The following ABCC11 variants were observed in gnomAD, a reference collection of about 807,000 sequenced individuals.
ABCC11 encodes ATP-binding cassette sub-family C member 11.
ABCC11 carries 135 observed loss-of-function variants against 149.3 expected under a neutral mutation model. That is an observed-to-expected ratio of 0.90 (90% CI 0.79 to 1.04). The LOEUF is 1.04. Among genes scored for constraint, ABCC11 ranks in the 50% least tolerant of loss-of-function variants. The pLI is 0.00. For missense variants in ABCC11, 1,680 were observed against 1,722.1 expected, an observed-to-expected ratio of 0.98 and a Z score of 0.43; for synonymous variants, 665 against 671.4, an observed-to-expected ratio of 0.99 and a Z score of 0.15.
rs1567500856 is a variant in ABCC11 at position 48,192,584 on chromosome 16, G to A, written c.2642C>T (p.Ser881Leu). The A allele has an allele frequency of 1.9e-6, 3 of 1,614,260 alleles. No homozygotes were observed. In the East Asian group the frequency reaches 6.7e-5, roughly 36 times the overall value. Residue 881 changes from serine to leucine, a missense_variant, in exon 20 of 30, where the codon TCA (serine) becomes TTA (leucine). Transcript: ENST00000356608. ...CCTCGTGACCTTGGTGAAAATCCCTGAGGAGCAGACCCCCACACAGATGAG... is the reference window on the plus strand; with the variant it reads ...CCTCGTGACCTTGGTGAAAATCCCTAAGGAGCAGACCCCCACACAGATGAG... ...LLLICVGVCSSGIFTKVTRKA... is the reference protein window; with the variant it reads ...LLLICVGVCSLGIFTKVTRKA...
In ABCC11 at chr16:48,209,558, C is replaced by T. The variant is rs11866619; in HGVS notation, c.1609-1062G>A. The T allele has an allele frequency of 3.3e-3, 535 of 162,458 alleles. 2 individuals are homozygous for T. Among genetic ancestry groups the T allele is most frequent in the African/African-American group, 0.012 (507 of 41,734 alleles). The allele number at this position is 162,458 out of a possible 1,614,324, so 10.1% of individuals were successfully genotyped here. On this transcript the variant is annotated intron_variant, in intron 11 of 29. Transcript: ENST00000356608. The stretch of plus-strand genomic sequence containing the variant: ...GATCTGACAAGAGGCGGAGCTCAGG[C>T]GGTGATGCTCACTGGCCTGCTGCTC...
At chr16:48,196,356 C>A (rs371162288) in intron 17 of ABCC11, 35 bp from the exon 18 acceptor site, 6 of 1,592,114 alleles carry the variant, frequency 3.8e-6, no homozygotes, top group Admixed American at 1.7e-5. Flanking sequence ...AAGTGGTATG[C>A]CTGCCAATCA....
At chr16:48,184,881 C>A (rs933253660) in intron 22 of ABCC11, among the ~76,000 whole-genome samples, 1 of 152,260 alleles carries the variant, frequency 6.6e-6, no homozygotes, top group African/African-American at 2.4e-5. Flanking sequence ...CCTCGCCTAA[C>A]CTCTGTGACT....
At chr16:48,245,020 G>T (rs1292515741) in intron 1 of ABCC11, among the ~76,000 whole-genome samples, 1 of 151,952 alleles carries the variant, frequency 6.6e-6, no homozygotes, top group Non-Finnish European at 1.5e-5. Flanking sequence ...TCTCCCCACT[G>T]CCCTTTACTC....
chr16:48,182,725 G>A (rs1414209252), intron 23 of ABCC11, among the ~76,000 whole-genome samples: 1 of 151,272 alleles, frequency 6.6e-6, no homozygotes, highest in Non-Finnish European at 1.5e-5. Flanking sequence ...GGAGCTTGCA[G>A]TGAGCCGAGA....
chr16:48,214,089 G>C (rs1795608568), intron 9 of ABCC11, among the ~76,000 whole-genome samples: 1 of 152,006 alleles, frequency 6.6e-6, no homozygotes, highest in African/African-American at 2.4e-5. Context: ...CCTCCTGGAG[G>C]TGCCGAAAGA....
intron 1 of ABCC11, chr16:48,244,152 G>C (rs1384002623): frequency 4.4e-6 from 2 of 452,070 alleles, no homozygotes; most frequent in Non-Finnish European, 7.8e-6. Flanking sequence ...GTGAGGCGAA[G>C]GTCGCTGCAC....
At chr16:48,209,962 A>C (rs1325742653) in intron 11 of ABCC11, 1 of 152,418 alleles carries the variant, frequency 6.6e-6, no homozygotes, top group Non-Finnish European at 1.5e-5. Context: ...GCGGCGTGAC[A>C]GTGGCAGGGA....
rs1555526993 is a variant in ABCC11, at chr16:48,184,423, C to G, written c.3258+17G>C. 5 of 1,610,604 alleles carry G rather than the reference C, an allele frequency of 3.1e-6. No homozygotes were observed. In the Admixed American group the frequency reaches 6.7e-5, roughly 22 times the overall value. On this transcript the variant is annotated intron_variant, in intron 23 of 29. Transcript: ENST00000356608. ...GAGCAAAGCTCAGAGAGGGCCCACA[C>G]AGAGTCACCCCCTCACCTGCAGCAC...
intron 3 of ABCC11, among the ~76,000 whole-genome samples, chr16:48,228,230 A>C (rs1970206702): frequency 6.6e-6 from 1 of 151,530 alleles, no homozygotes. Flanking sequence ...TTTTTCAATA[A>C]GGTTTGTTTA....
chr16:48,171,315 AAT>A (rs1456690224), intron 26 of ABCC11, among the ~76,000 whole-genome samples: 2 of 152,184 alleles, frequency 1.3e-5, no homozygotes, highest in African/African-American at 4.8e-5. Flanking sequence ...GAAAGTAACC[AAT>A]CAGAGTGTAT....
chr16:48,218,064 A>G (rs1596806476), intron 6 of ABCC11, among the ~76,000 whole-genome samples: 1 of 152,192 alleles, frequency 6.6e-6, no homozygotes, highest in East Asian at 1.9e-4. Context: ...TGGGAGGCTG[A>G]GGCAGGATGA....
Position 48,211,103 on chromosome 16 carries a change from G to A in ABCC11, c.1453C>T (p.Gln485Ter), listed in dbSNP as rs2150860260. 6.2e-7 allele frequency: 1 copy of A among 1,614,196 alleles called. No homozygotes were observed. ...VFEEATLSWQ[Q>*]TCPGIVNGAL... ...CCATTGACGATCCCGGGACAGGTCTGTTGCCATGACAAGGTGGCCTCCTCA... is the reference window on the plus strand; with the variant it reads ...CCATTGACGATCCCGGGACAGGTCTATTGCCATGACAAGGTGGCCTCCTCA... Residue 485 changes from glutamine (Q) to a stop codon, truncating the protein, a stop_gained, in exon 11 of 30, where the codon CAG becomes TAG. Coordinates refer to ENST00000356608, the MANE Select transcript of ABCC11 (RefSeq NM_001370497.1). LOFTEE classifies it high-confidence loss of function.
intron 15 of ABCC11, 123 bp downstream of exon 15, chr16:48,200,153 G>T (rs1432717709): frequency 2.0e-6 from 2 of 982,168 alleles, no homozygotes; most frequent in Non-Finnish European, 2.9e-6. Context: ...AAATGTGGAG[G>T]AGTCTAACCT....
intron 25 of ABCC11, 111 bp downstream of exon 25, chr16:48,176,813 G>T: frequency 7.9e-7 from 1 of 1,262,528 alleles, no homozygotes; most frequent in South Asian, 1.5e-5. Flanking sequence ...ACAGCATGAG[G>T]ACCTAATACA....
intron 27 of ABCC11, 59 bp from the exon 28 acceptor site, chr16:48,170,277 C>T: frequency 7.4e-7 from 1 of 1,345,520 alleles, no homozygotes. Context: ...TGAGACCCAA[C>T]CTGACCTTGT....
chr16:48,244,705 G>C, intron 1 of ABCC11: 1 of 1,006,602 alleles, frequency 9.9e-7, no homozygotes, highest in Non-Finnish European at 1.3e-6. Context: ...TGCCTTGAGC[G>C]CGAGGCTCAG....
intron 11 of ABCC11, 73 bp from the exon 12 acceptor site, chr16:48,208,569 A>G (rs892332661): frequency 7.9e-6 from 12 of 1,509,694 alleles, no homozygotes; most frequent in Non-Finnish European, 1.1e-5. Flanking sequence ...ATGGCGGCTC[A>G]ACTGTTTAGA....
chr16:48,215,025 T>C lies in ABCC11; in HGVS notation c.1104A>G (p.Leu368=). Residue 368 remains leucine, a synonymous_variant, in exon 9 of 30, where the codon CTA becomes CTG. Transcript: ENST00000356608. ...EKPFAKIIED[L]RRKERKLLEK... ...CCAATAGTTTCCTTTCCTTCCTTCTTAGGTCTGGGAAATAAAAAAGAAATA... is the reference window on the plus strand; with the variant it reads ...CCAATAGTTTCCTTTCCTTCCTTCTCAGGTCTGGGAAATAAAAAAGAAATA... The C allele has an allele frequency of 6.2e-7, 1 of 1,613,474 alleles. No homozygotes were observed. Among genetic ancestry groups the C allele is most frequent in the Non-Finnish European group, 8.5e-7 (1 of 1,179,708 alleles).
Sources: gnomAD v4.1 joint callset for allele counts (sites outside exome capture counted in the v4.1 genomes callset) on GRCh38, gnomAD v4.1.1 for gene constraint, MANE v1.5 for transcripts, NCBI Gene and HGNC (gene_info 2026-07-23, HGNC 2026-07-21) for gene names.